The following TTLL7 variants were observed in gnomAD, a reference collection of about 807,000 sequenced individuals.
TTLL7 encodes the protein tubulin tyrosine ligase like 7.
Under a neutral mutation model 120.2 loss-of-function variants are expected in TTLL7, and 53 were observed. That is an observed-to-expected ratio of 0.44 (90% CI 0.35 to 0.55). The LOEUF (loss-of-function observed/expected upper bound fraction) is 0.55. TTLL7 is among the 20% of genes least tolerant of loss of function. The pLI is 0.00. For missense variants in TTLL7, 803 were observed against 1,054.7 expected (o/e 0.76, Z 3.31); for synonymous variants, 353 against 351.7 (o/e 1.00, Z -0.04).
At chr1:83,975,567 CTG>C (rs1651390264) in intron 1 of TTLL7, among the ~76,000 whole-genome samples, 2 of 152,096 alleles carry the variant, frequency 1.3e-5, no homozygotes, top group African/African-American at 4.8e-5. Context: ...GATGAGAAAA[CTG>C]AGACTCAAAG....
intron 13 of TTLL7, among the ~76,000 whole-genome samples, chr1:83,918,906 G>T (rs1557639368): frequency 6.6e-6 from 1 of 152,022 alleles, no homozygotes; most frequent in African/African-American, 2.4e-5. Context: ...GCTCCTACTA[G>T]GATAAAAAGA....
chr1:83,991,685 T>G (rs1046457117), intron 1 of TTLL7, among the ~76,000 whole-genome samples: 4 of 151,952 alleles, frequency 2.6e-5, no homozygotes, highest in Non-Finnish European at 5.9e-5. Context: ...TGCTACAAAA[T>G]ATTCACTGGA....
intron 10 of TTLL7, among the ~76,000 whole-genome samples, chr1:83,927,775 A>T (rs1301229698): frequency 3.3e-5 from 5 of 152,154 alleles, no homozygotes; most frequent in Admixed American, 3.3e-4. Flanking sequence ...GCACTCCATA[A>T]GAAAATTAAT....
intron 1 of TTLL7, among the ~76,000 whole-genome samples, chr1:83,965,766 A>G (rs1055392535): frequency 6.6e-5 from 10 of 152,124 alleles, no homozygotes; most frequent in Non-Finnish European, 2.9e-5. Flanking sequence ...ATTATTATTT[A>G]TTTAAATTAT....
At chr1:83,969,507 A>T (rs573320917) in intron 1 of TTLL7, among the ~76,000 whole-genome samples, 23 of 152,076 alleles carry the variant, frequency 1.5e-4, no homozygotes, top group African/African-American at 5.5e-4. Context: ...TCCTTCTTTG[A>T]AGGTGGCCTA....
rs1186876114 is a variant in TTLL7, at chr1:83,875,252, T to A, written c.2544-5170A>T. Among the ~76,000 whole-genome samples the A allele has an allele frequency of 2.0e-5, 3 of 151,882 alleles. No homozygotes were observed. The East Asian group carries it at 5.8e-4, about 29-fold the overall frequency. On this transcript the variant is annotated intron_variant, in intron 20 of 20. Transcript: ENST00000260505. Reference sequence around the variant, plus strand: ...ACATTCCTTAAACACCATAATTTAGTTTTGCCTGTTTTTGATTTTTCAATA... The same window carrying A: ...ACATTCCTTAAACACCATAATTTAGATTTGCCTGTTTTTGATTTTTCAATA...
At position 83,890,451 on chromosome 1, in the gene TTLL7, T is replaced by C; in HGVS notation, c.2239A>G (p.Thr747Ala). The C allele has an allele frequency of 6.2e-7, 1 of 1,612,620 alleles. No individual in the cohort carries two copies. Residue 747 changes from threonine to alanine, a missense_variant, in exon 19 of 21, where the codon ACA becomes GCA. Coordinates refer to ENST00000260505, the MANE Select transcript of TTLL7 (RefSeq NM_024686.6). ...ACCTTCCAGATGCGTGGAAGAACTG[T>C]ACGAATACTTGTTTTCACTATGTCC... ...VLDIVKTSIR[T>A]VLPRIWKVPD... is the part of the protein sequence containing the mutation.
At chr1:83,987,280 A>G (rs1486071735) in intron 1 of TTLL7, among the ~76,000 whole-genome samples, 1 of 152,020 alleles carries the variant, frequency 6.6e-6, no homozygotes, top group Non-Finnish European at 1.5e-5. Flanking sequence ...AAAATTAAAA[A>G]AATATAAAAT....
intron 18 of TTLL7, among the ~76,000 whole-genome samples, chr1:83,901,099 GTTAC>G (rs1418446940): frequency 6.6e-6 from 1 of 151,810 alleles, no homozygotes; most frequent in African/African-American, 2.4e-5. Context: ...GTTCACTAGT[GTTAC>G]TTGTCATTTT....
chr1:83,927,965 T>C (rs529628592), intron 10 of TTLL7, among the ~76,000 whole-genome samples: 1 of 152,288 alleles, frequency 6.6e-6, no homozygotes, highest in Admixed American at 6.5e-5. Flanking sequence ...TGTTAAGAAC[T>C]GTGCTAAATT....
intron 1 of TTLL7, among the ~76,000 whole-genome samples, chr1:83,959,244 A>G (rs542260875): frequency 6.6e-6 from 1 of 152,306 alleles, no homozygotes; most frequent in South Asian, 2.1e-4. Context: ...AAGTCCTCCA[A>G]GTGAATCTGA....
At chr1:83,940,481 T>C (rs1047096581) in intron 7 of TTLL7, among the ~76,000 whole-genome samples, 3 of 152,134 alleles carry the variant, frequency 2.0e-5, no homozygotes, top group African/African-American at 7.2e-5. Flanking sequence ...ACTGAATACA[T>C]CCGCTTTCCA....
rs1008470267 is a variant in TTLL7 at position 83,876,661 on chromosome 1, T to C, written c.2543+6302A>G. 2.0e-5 allele frequency among the ~76,000 whole-genome samples: 3 copies of C among 152,084 alleles called. No homozygotes were observed. The East Asian group carries it at 5.8e-4, about 29-fold the overall frequency. ...ATTTCTTGCGACATTTATTCCTAAG[T>C]ATTAGATATTCTTTCATGCTTTTGA... On this transcript the variant is annotated intron_variant, in intron 20 of 20. Transcript: ENST00000260505.
At chr1:83,971,938 T>A (rs1651026064) in intron 1 of TTLL7, among the ~76,000 whole-genome samples, 1 of 147,984 alleles carries the variant, frequency 6.8e-6, no homozygotes, top group African/African-American at 2.4e-5. Flanking sequence ...TCATATTGAT[T>A]TATTTAAATA....
At chr1:83,983,253 C>G (rs977282392) in intron 1 of TTLL7, among the ~76,000 whole-genome samples, 1 of 152,124 alleles carries the variant, frequency 6.6e-6, no homozygotes, top group Admixed American at 6.6e-5. Flanking sequence ...ATCCCTTGAA[C>G]CCAGGAGGCG....
intron 20 of TTLL7, among the ~76,000 whole-genome samples, chr1:83,872,012 A>T (rs1322995710): frequency 6.6e-6 from 1 of 152,178 alleles, no homozygotes; most frequent in Non-Finnish European, 1.5e-5. Context: ...TCTATGTTAA[A>T]TAATATTGAT....
At chr1:83,900,549 G>C (rs565414385) in intron 18 of TTLL7, among the ~76,000 whole-genome samples, 1 of 152,030 alleles carries the variant, frequency 6.6e-6, no homozygotes, top group South Asian at 2.1e-4. Flanking sequence ...GCCGAAGCAA[G>C]GTCCTGGGGT....
At chr1:83,897,504 A>G (rs1214394902) in intron 18 of TTLL7, among the ~76,000 whole-genome samples, 1 of 152,102 alleles carries the variant, frequency 6.6e-6, no homozygotes, top group African/African-American at 2.4e-5. Flanking sequence ...GAGATGTGCC[A>G]CTTAAATTAA....
chr1:83,917,099 C>CA (rs540546625), intron 14 of TTLL7, among the ~76,000 whole-genome samples: 7,586 of 81,156 alleles, frequency 0.093, 349 homozygotes, highest in Middle Eastern at 0.2. Flanking sequence ...ACCCTGTTAT[C>CA]AAAAAAAAAA....
Sources: gnomAD v4.1 joint callset for allele counts (sites outside exome capture counted in the v4.1 genomes callset) on GRCh38, gnomAD v4.1.1 for gene constraint, MANE v1.5 for transcripts, NCBI Gene and HGNC (gene_info 2026-07-23, HGNC 2026-07-21) for gene names.